The following PSD3 variants were observed in gnomAD, a reference collection of about 807,000 sequenced individuals.
PSD3 encodes the protein PH and SEC7 domain-containing protein 3.
Under a neutral mutation model 105.5 loss-of-function variants are expected in PSD3, and 49 were observed. The ratio of observed to expected loss-of-function variants is 0.46; its 90% CI spans 0.37 to 0.59. The LOEUF (loss-of-function observed/expected upper bound fraction) is 0.59. Among genes scored for constraint, PSD3 ranks in the 20% least tolerant of loss-of-function variants. The probability of loss-of-function intolerance (pLI) is 0.00; values close to 1 mark genes in which losing one functional copy is unlikely to be tolerated. For missense variants in PSD3, 1,561 were observed against 1,263.8 expected, an observed-to-expected ratio of 1.24 and a Z score of -3.57; for synonymous variants, 557 against 457.8, an observed-to-expected ratio of 1.22 and a Z score of -2.77.
intron 1 of PSD3, among the ~76,000 whole-genome samples, chr8:19,043,995 A>G (rs1366828612): frequency 2.6e-5 from 4 of 152,158 alleles, no homozygotes; most frequent in African/African-American, 9.7e-5. Context: ...CAGGGCCCAG[A>G]GCACCTTCCT....
intron 7 of PSD3, among the ~76,000 whole-genome samples, chr8:18,800,036 A>G (rs559931845): frequency 3.3e-5 from 5 of 152,308 alleles, no homozygotes; most frequent in African/African-American, 4.8e-5. Context: ...GACACTACCA[A>G]ATGGCTAAAA....
chr8:18,546,988 G>C (rs144340686), intron 15 of PSD3, among the ~76,000 whole-genome samples: 207 of 152,322 alleles, frequency 1.4e-3, no homozygotes, highest in African/African-American at 4.2e-3. Context: ...CTCAAGAGCA[G>C]GTATGCCTTT....
intron 8 of PSD3, among the ~76,000 whole-genome samples, chr8:18,778,822 AATG>A (rs1808338257): frequency 6.6e-6 from 1 of 152,008 alleles, no homozygotes; most frequent in Non-Finnish European, 1.5e-5. Context: ...GATCATCGTG[AATG>A]ATCTTTTTAT....
intron 9 of PSD3, among the ~76,000 whole-genome samples, chr8:18,746,940 AG>A (rs1279276397): frequency 6.6e-6 from 1 of 152,262 alleles, no homozygotes; most frequent in Non-Finnish European, 1.5e-5. Flanking sequence ...AAATGCCCTT[AG>A]GCATGGATAT....
At chr8:18,858,853 C>A (rs1184669105) in intron 4 of PSD3, among the ~76,000 whole-genome samples, 1 of 152,328 alleles carries the variant, frequency 6.6e-6, no homozygotes, top group East Asian at 1.9e-4. Context: ...TTTCAAACCA[C>A]TCAGCCACTC....
At chr8:18,589,028 G>C (rs534088288) in intron 12 of PSD3, among the ~76,000 whole-genome samples, 6 of 152,308 alleles carry the variant, frequency 3.9e-5, no homozygotes, top group Non-Finnish European at 7.4e-5. Context: ...AGTGACCCAA[G>C]AGAGTGGAAT....
chr8:18,830,407 G>A (rs983535706), intron 4 of PSD3, among the ~76,000 whole-genome samples: 1 of 152,154 alleles, frequency 6.6e-6, no homozygotes, highest in Admixed American at 6.5e-5. Context: ...ACCTAAACCA[G>A]ACTCATTGTG....
At chr8:19,011,409 C>A (rs1439343703) in intron 1 of PSD3, among the ~76,000 whole-genome samples, 2 of 152,112 alleles carry the variant, frequency 1.3e-5, no homozygotes, top group African/African-American at 4.8e-5. Context: ...CGCTAAATTC[C>A]ACTCAAATAA....
At chr8:18,844,368 ACCTT>A in intron 4 of PSD3, among the ~76,000 whole-genome samples, 1 of 152,176 alleles carries the variant, frequency 6.6e-6, no homozygotes, top group South Asian at 2.1e-4. Context: ...AGACACTTAT[ACCTT>A]CCATCAGAAA....
chr8:19,070,445 G>A (rs768426974), intron 1 of PSD3, among the ~76,000 whole-genome samples: 20 of 151,140 alleles, frequency 1.3e-4, no homozygotes, highest in Non-Finnish European at 2.4e-4. Context: ...GGAGGCCGAG[G>A]TTGGTAGATC....
At chr8:18,594,995 G>A (rs1297955592) in intron 12 of PSD3, among the ~76,000 whole-genome samples, 1 of 151,906 alleles carries the variant, frequency 6.6e-6, no homozygotes, top group Admixed American at 6.6e-5. Flanking sequence ...ATGCTTTAAT[G>A]TTGTAATAGT....
intron 9 of PSD3, among the ~76,000 whole-genome samples, chr8:18,677,661 C>G (rs79526717): frequency 0.2 from 30,131 of 152,178 alleles, 3,449 homozygotes; most frequent in South Asian, 0.32. Context: ...AACTACGTCC[C>G]TGAAGAAGTC....
intron 9 of PSD3, among the ~76,000 whole-genome samples, chr8:18,683,262 T>C (rs997276133): frequency 6.6e-6 from 1 of 152,204 alleles, no homozygotes; most frequent in Non-Finnish European, 1.5e-5. Flanking sequence ...TGCCTGGGGC[T>C]AACCACTCTA....
intron 2 of PSD3, among the ~76,000 whole-genome samples, chr8:18,923,732 A>C (rs1821178483): frequency 6.6e-6 from 1 of 152,148 alleles, no homozygotes; most frequent in Non-Finnish European, 1.5e-5. Context: ...GCTTTATGAC[A>C]CATTTCTCAG....
intron 2 of PSD3, among the ~76,000 whole-genome samples, chr8:18,885,727 CA>C (rs33983366): frequency 0.033 from 5,020 of 152,188 alleles, 278 homozygotes; most frequent in African/African-American, 0.12. Flanking sequence ...CTGACATAAA[CA>C]ATTGTCCCAA....
At chr8:18,842,510 G>A (rs141983215) in intron 4 of PSD3, among the ~76,000 whole-genome samples, 9,834 of 152,228 alleles carry the variant, frequency 0.065, 399 homozygotes, top group Non-Finnish European at 0.1. Flanking sequence ...GAGGCGGGCG[G>A]ATCACAAGGT....
intron 3 of PSD3, 147 bp from the exon 4 acceptor site, chr8:18,868,216 T>C: frequency 1.0e-6 from 1 of 972,862 alleles, no homozygotes. Flanking sequence ...AAGGAAGCTA[T>C]GAAATATAAT....
intron 9 of PSD3, among the ~76,000 whole-genome samples, chr8:18,721,851 A>G (rs17127092): frequency 0.033 from 5,058 of 152,296 alleles, 216 homozygotes; most frequent in East Asian, 0.16. Context: ...AATGTGTTGC[A>G]TTAAAAGTGA....
chr8:19,035,814 A>T (rs1563522312), intron 1 of PSD3, among the ~76,000 whole-genome samples: 1 of 151,884 alleles, frequency 6.6e-6, no homozygotes, highest in Non-Finnish European at 1.5e-5. Flanking sequence ...GAGTGCTATG[A>T]CCCGATCTCA....
Sources: allele counts gnomAD v4.1 joint callset (sites outside exome capture counted in the v4.1 genomes callset), GRCh38; gene constraint gnomAD v4.1.1; transcripts MANE v1.5; gene names NCBI Gene and HGNC (gene_info 2026-07-23, HGNC 2026-07-21).